The following TTK variants were observed in gnomAD, a reference collection of about 807,000 sequenced individuals.
TTK encodes the protein TTK protein kinase, also known as dual specificity protein kinase TTK.
In TTK, 59 loss-of-function variants were observed where a neutral mutation model predicts 117.3. The ratio of observed to expected loss-of-function variants is 0.50; its 90% CI spans 0.41 to 0.62. The LOEUF (loss-of-function observed/expected upper bound fraction) is 0.62. TTK is among the 20% of genes least tolerant of loss of function. The pLI is 0.00. For missense variants in TTK, 921 were observed against 989.4 expected (o/e 0.93, Z 0.93); for synonymous variants, 302 against 325.0 (o/e 0.93, Z 0.76).
At chr6:80,026,327 A>T (rs760504870) in intron 11 of TTK, 51 bp from the exon 12 acceptor site, 24 of 1,566,836 alleles carry the variant, frequency 1.5e-5, no homozygotes, top group Non-Finnish European at 2.0e-5. Context: ...AAACTAGTGA[A>T]CAGGCAACTA....
chr6:80,010,955 C>G lies in TTK; in HGVS notation c.611C>G (p.Ser204Ter). 1 of 1,611,390 alleles carries G rather than the reference C, an allele frequency of 6.2e-7. No homozygotes were observed. The highest frequency in any genetic ancestry group is 8.5e-7 in the Non-Finnish European group (1 of 1,178,192). The change falls in exon 5 of 22, where the codon TCA (serine) becomes TGA (stop). Residue 204 changes from serine to a stop codon, truncating the protein, a stop_gained and splice_region_variant. Transcript: ENST00000369798. LOFTEE classifies it high-confidence loss of function. ...LLSEEEKKNL[S>*]ASTVLTAQES... ...TCAGAGGAGGAAAAGAAGAATTTAT[C>G]AGGTAACTATTAAGGTATACTAATA... is the stretch of plus-strand genomic sequence containing the variant.
chr6:80,023,592 C>CA (rs1353412899), intron 11 of TTK, among the ~76,000 whole-genome samples: 8 of 150,054 alleles, frequency 5.3e-5, no homozygotes, highest in East Asian at 2.0e-4. Flanking sequence ...GACTCTGTCT[C>CA]AAAAAAAATA....
Position 80,031,533 on chromosome 6 carries a change from C to A in TTK, c.1588C>A (p.Gln530Lys). The change falls in exon 14 of 22, where the codon CAG becomes AAG. Residue 530 changes from glutamine (Q) to lysine (K), a missense_variant. Coordinates refer to ENST00000369798, the MANE Select transcript of TTK (RefSeq NM_003318.5). ...AGGAAGAATTTATTCCATATTAAAGCAGATAGGAAGTGGAGGTTCAAGCAA... is the reference window on the plus strand; with the variant it reads ...AGGAAGAATTTATTCCATATTAAAGAAGATAGGAAGTGGAGGTTCAAGCAA... ...VKGRIYSILK[Q>K]IGSGGSSKVF... 6.5e-7 allele frequency: 1 copy of A among 1,533,934 alleles called. No homozygotes were observed. Among genetic ancestry groups the A allele is most frequent in the Non-Finnish European group, 8.7e-7 (1 of 1,147,594 alleles).
rs746579554 is a variant in TTK at position 80,005,987 on chromosome 6, G to GT, written c.139+10dup. On this transcript the variant is annotated splice_donor_region_variant and intron_variant, in intron 2 of 21. Transcript: ENST00000369798. ...AAATTTCTGCTGATACTACAGGTGA[G>GT]TTTTTCTTTTCTTTTAAGTTAGTAA... 2 of 1,599,428 alleles carry GT rather than the reference G, an allele frequency of 1.3e-6. No homozygotes were observed. The highest frequency in any genetic ancestry group is 2.2e-5 in the South Asian group (2 of 88,904).
rs748518043 is a variant in TTK, at chr6:80,040,638, A to G, written c.2425A>G (p.Met809Val). The G allele has an allele frequency of 6.2e-7, 1 of 1,611,994 alleles. No homozygotes were observed. The highest frequency in any genetic ancestry group is 8.5e-7 in the Non-Finnish European group (1 of 1,178,608). The change falls in exon 21 of 22, where the codon ATG (methionine) becomes GTG (valine). Residue 809 changes from methionine (M) to valine (V), a missense_variant. Transcript: ENST00000369798. The stretch of plus-strand genomic sequence containing the variant: ...AATGGCCAAGGGAACCACTGAAGAA[A>G]TGAAATATGTTCTGGGCCAACTTGT... ...NQMAKGTTEE[M>V]KYVLGQLVGL...
intron 2 of TTK, among the ~76,000 whole-genome samples, chr6:80,006,548 A>G (rs1423206984): frequency 6.6e-6 from 1 of 152,188 alleles, no homozygotes; most frequent in African/African-American, 2.4e-5. Flanking sequence ...ACTGAGGAAG[A>G]TTCAAAGATG....
At chr6:80,021,849 T>C (rs1252289539) in intron 10 of TTK, among the ~76,000 whole-genome samples, 4 of 151,934 alleles carry the variant, frequency 2.6e-5, no homozygotes, top group Admixed American at 1.3e-4. Flanking sequence ...CGTAATTAGA[T>C]AAGTGAACAC....
At chr6:80,013,406 T>C (rs1196969854) in intron 9 of TTK, 40 bp downstream of exon 9, 4 of 1,504,912 alleles carry the variant, frequency 2.7e-6, no homozygotes, top group Non-Finnish European at 3.6e-6. Context: ...CAAGGGTTCC[T>C]GATCTGGGAG....
chr6:80,038,275 CT>C (rs1410804224), intron 18 of TTK, among the ~76,000 whole-genome samples: 2 of 152,126 alleles, frequency 1.3e-5, no homozygotes, highest in Non-Finnish European at 2.9e-5. Flanking sequence ...GTTTTCTGGC[CT>C]GCCACTGGCT....
intron 10 of TTK, among the ~76,000 whole-genome samples, chr6:80,018,195 C>T (rs181345917): frequency 6.6e-6 from 1 of 151,224 alleles, no homozygotes; most frequent in African/African-American, 2.4e-5. Flanking sequence ...AAAAAAAAAA[C>T]TTTGTTGTTA....
intron 10 of TTK, among the ~76,000 whole-genome samples, chr6:80,019,909 A>G (rs1582097365): frequency 6.6e-6 from 1 of 152,300 alleles, no homozygotes; most frequent in East Asian, 1.9e-4. Flanking sequence ...AAGACATTTT[A>G]TTTTTATTAA....
At chr6:80,022,954 C>T (rs79920611) in intron 11 of TTK, among the ~76,000 whole-genome samples, 2,022 of 152,276 alleles carry the variant, frequency 0.013, 56 homozygotes, top group African/African-American at 0.046. Context: ...TTCCTGTGGT[C>T]ATACTCATTG....
chr6:80,037,957 T>A lies in TTK; in HGVS notation c.2050-10T>A, dbSNP rs1267056554. 1 of 1,532,662 alleles carries A rather than the reference T, an allele frequency of 6.5e-7. No homozygotes were observed. The highest frequency in any genetic ancestry group is 2.0e-5 in the Admixed American group (1 of 50,642). 94.9% of individuals were successfully genotyped at this position (1,532,662 alleles called of 1,614,324 possible). A position where few individuals can be genotyped will look rare whatever the true frequency, so the allele number is the denominator to read the frequency against. ...TCATTGATTTGTGTTTTCTCTGACTTGGCATATAGGTTGGCACAGTTAATT... is the reference window on the plus strand; with the variant it reads ...TCATTGATTTGTGTTTTCTCTGACTAGGCATATAGGTTGGCACAGTTAATT... On this transcript the variant is annotated splice_polypyrimidine_tract_variant and intron_variant, in intron 17 of 21. Transcript: ENST00000369798.
At chr6:80,035,200 T>C in intron 15 of TTK, 58 bp downstream of exon 15, 2 of 1,533,574 alleles carry the variant, frequency 1.3e-6, no homozygotes, top group South Asian at 2.6e-5. Flanking sequence ...TTCAGGTAAA[T>C]ATTTAGTAAA....
intron 9 of TTK, 36 bp from the exon 10 acceptor site, chr6:80,014,427 T>C (rs769537959): frequency 6.4e-7 from 1 of 1,568,938 alleles, no homozygotes; most frequent in African/African-American, 1.4e-5. Flanking sequence ...AGTACTACTA[T>C]TTATGGGACT....
At chr6:80,032,056 A>G (rs928433074) in intron 14 of TTK, among the ~76,000 whole-genome samples, 4 of 152,202 alleles carry the variant, frequency 2.6e-5, no homozygotes, top group African/African-American at 7.2e-5. Flanking sequence ...ATCGTTTTAC[A>G]TCTCTGGATA....
In TTK at chr6:80,011,493, A is replaced by G. The variant is rs1466374113; in HGVS notation, c.673A>G (p.Arg225Gly). Residue 225 changes from arginine (R) to glycine (G), a missense_variant, in exon 6 of 22, where the codon AGG becomes GGG. By Grantham distance (125) the Arg-to-Gly change is moderately radical. Transcript: ENST00000369798. ...FSGSLGHLQN[R>G]NNSCDSRGQT... The stretch of plus-strand genomic sequence containing the variant: ...CGGTTCACTTGGGCATTTACAGAAT[A>G]GGAACAACAGTTGTGATTCCAGAGG... The G allele has an allele frequency of 6.2e-7, 1 of 1,610,146 alleles. No individual in the cohort carries two copies. The highest frequency in any genetic ancestry group is 1.3e-5 in the African/African-American group (1 of 74,748).
At chr6:80,018,626 CAA>C (rs398048650) in intron 10 of TTK, among the ~76,000 whole-genome samples, 13,787 of 87,008 alleles carry the variant, frequency 0.16, 724 homozygotes, top group Non-Finnish European at 0.21. Context: ...GACTCCGTCT[CAA>C]AAAAAAAAAA....
intron 10 of TTK, among the ~76,000 whole-genome samples, chr6:80,019,708 A>T (rs989185174): frequency 9.8e-5 from 15 of 152,318 alleles, no homozygotes; most frequent in Non-Finnish European, 2.1e-4. Context: ...AGCTGTTTTC[A>T]TTGAACCACC....
Sources: allele counts gnomAD v4.1 joint callset (sites outside exome capture counted in the v4.1 genomes callset), GRCh38; gene constraint gnomAD v4.1.1; transcripts MANE v1.5; gene names NCBI Gene and HGNC (gene_info 2026-07-23, HGNC 2026-07-21).